Variants in PTCRA observed in about 807,000 individuals in gnomAD.
The protein encoded by PTCRA is pre T-cell antigen receptor alpha.
Under a neutral mutation model 13.4 loss-of-function variants are expected in PTCRA, and 9 were observed. The ratio of observed to expected loss-of-function variants is 0.67; its 90% CI spans 0.41 to 1.18. The LOEUF (loss-of-function observed/expected upper bound fraction) is 1.18, where lower values mean the gene tolerates loss of function less well. Ranked by LOEUF, PTCRA falls within the 50% of genes most tolerant of loss-of-function variation. The pLI is 0.01. For synonymous variants in PTCRA, 153 were observed against 161.9 expected, an observed-to-expected ratio of 0.94 and a Z score of 0.42; for missense variants, 353 against 359.8, an observed-to-expected ratio of 0.98 and a Z score of 0.15.
chr6:42,922,980 G>T, intron 1 of PTCRA, 47 bp from the exon 2 acceptor site: 2 of 1,566,036 alleles, frequency 1.3e-6, no homozygotes, highest in East Asian at 4.5e-5. Flanking sequence ...GCTGGCCTGG[G>T]AGGCCAAAAG....
At chr6:42,921,998 C>A (rs1296000292) in intron 1 of PTCRA, among the ~76,000 whole-genome samples, 1 of 152,066 alleles carries the variant, frequency 6.6e-6, no homozygotes, top group South Asian at 2.1e-4. Flanking sequence ...GCACTCCAGT[C>A]TGGGAGACGT....
rs1481375622 is a variant in PTCRA at position 42,925,343 on chromosome 6, C to T, written c.507C>T (p.Cys169=). The T allele has an allele frequency of 4.4e-6, 7 of 1,576,844 alleles. No homozygotes were observed. Among genetic ancestry groups the T allele is most frequent in the Non-Finnish European group, 6.0e-6 (7 of 1,164,552 alleles). ...KLLLFDLLLT[C]SCLCDPAGPL... ...TGCTGTTTGACCTGCTCCTGACCTG[C>T]AGCTGCCTGTGCGACCCCGCGGGCC... Residue 169 remains cysteine (C), a synonymous_variant, in exon 4 of 4, where the codon TGC becomes TGT. Transcript: ENST00000304672. This position sits in a 1 kb window ranked among gnomAD's most constrained non-coding sequence, Gnocchi z 4.4.
intron 1 of PTCRA, 151 bp downstream of exon 1, chr6:42,916,278 A>T: frequency 1.4e-6 from 1 of 721,114 alleles, no homozygotes; most frequent in Non-Finnish European, 2.3e-6. Context: ...TGGGGAGGGG[A>T]CCTCTGGGGA....
At chr6:42,916,292 G>T (rs1766875535) in intron 1 of PTCRA, among the ~76,000 whole-genome samples, 165 bp downstream of exon 1, 1 of 150,556 alleles carries the variant, frequency 6.6e-6, no homozygotes, top group South Asian at 2.1e-4. Flanking sequence ...CTGGGGAGGG[G>T]ACCCTATATA....
At chr6:42,917,190 A>ATATTAT (rs60630405) in intron 1 of PTCRA, among the ~76,000 whole-genome samples, 2,423 of 141,022 alleles carry the variant, frequency 0.017, 25 homozygotes, top group Admixed American at 0.027. Context: ...TAACAGCATT[A>ATATTAT]TATTATTATT....
Position 42,923,249 on chromosome 6 carries a change from T to C in PTCRA, c.281T>C (p.Leu94Pro). Residue 94 changes from leucine to proline, a missense_variant, in exon 2 of 4, where the codon CTG (leucine) becomes CCG (proline). By Grantham distance (98) the Leu-to-Pro change is moderately conservative (BLOSUM62 -3). Transcript: ENST00000304672. ...TGGACCAACTTGGCCCATCTCTCCC[T>C]GCCTTCTGAGGAGCTGGCATCCTGG... ...GTWTNLAHLS[L>P]PSEELASWEP... 2 of 1,614,218 alleles carry C rather than the reference T, an allele frequency of 1.2e-6. No individual in the cohort carries two copies. Among genetic ancestry groups the C allele is most frequent in the South Asian group, 2.2e-5 (2 of 91,084 alleles).
intron 1 of PTCRA, 30 bp from the exon 2 acceptor site, chr6:42,922,997 T>A (rs1158029637): frequency 3.1e-6 from 5 of 1,610,034 alleles, no homozygotes; most frequent in Non-Finnish European, 4.2e-6. Context: ...AAAGCTGGTC[T>A]AGCACCCACA....
chr6:42,916,639 C>A (rs1766888859), intron 1 of PTCRA, among the ~76,000 whole-genome samples: 1 of 152,104 alleles, frequency 6.6e-6, no homozygotes, highest in African/African-American at 2.4e-5. Flanking sequence ...AGGATAGGAC[C>A]CAAGGCCTCT....
chr6:42,922,322 G>A (rs1217009968), intron 1 of PTCRA: 1 of 695,132 alleles, frequency 1.4e-6, no homozygotes, highest in African/African-American at 1.8e-5. Context: ...TTCCTTGAGA[G>A]CAGGGACAAT....
Position 42,925,637 on chromosome 6 carries a change from T to C in PTCRA, c.801T>C (p.Phe267=). The C allele has an allele frequency of 6.4e-7, 1 of 1,557,070 alleles. No individual in the cohort carries two copies. The highest frequency in any genetic ancestry group is 8.7e-7 in the Non-Finnish European group (1 of 1,153,448). The change falls in exon 4 of 4, where the codon TTT becomes TTC. Residue 267 remains phenylalanine, a synonymous_variant. Transcript: ENST00000304672. The surrounding 1 kb of genome is among the most constrained non-coding windows in gnomAD (Gnocchi z 4.4). ...LRAPSSSLGA[F]FAGDLPPPLQ... ...CTCCTTCCTCCAGTCTTGGAGCATT[T>C]TTTGCAGGTGACCTGCCTCCTCCTC...
intron 1 of PTCRA, chr6:42,922,382 A>C (rs1000529191): frequency 1.6e-6 from 1 of 626,974 alleles, no homozygotes; most frequent in Non-Finnish European, 2.9e-6. Context: ...AGGGGCTCGG[A>C]TATCATAGAC....
chr6:42,924,439 C>T (rs1281550781), intron 3 of PTCRA, 166 bp downstream of exon 3: 6 of 676,762 alleles, frequency 8.9e-6, no homozygotes, highest in Non-Finnish European at 1.6e-5. Flanking sequence ...GCATGGGCCT[C>T]AGTCTACCTA....
rs146531157 is a variant in PTCRA at position 42,925,516 on chromosome 6, G to A, written c.680G>A (p.Arg227Gln). 3.5e-3 allele frequency: 5,581 copies of A among 1,576,268 alleles called. 19 individuals are homozygous for A. Among genetic ancestry groups the A allele is most frequent in the Middle Eastern group, 4.8e-3 (29 of 6,012 alleles). Residue 227 changes from arginine to glutamine, a missense_variant, in exon 4 of 4, where the codon CGG becomes CAG. Transcript: ENST00000304672. The surrounding 1 kb of genome is among the most constrained non-coding windows in gnomAD (Gnocchi z 4.4). ...CGCTGGGGTGACACCCCTCCGGGTC[G>A]GAAGCCCGGGAGCCCAGTATGGGGG... ...DRRWGDTPPG[R>Q]KPGSPVWGEG...
intron 1 of PTCRA, 24 bp downstream of exon 1, chr6:42,916,151 CTCTGTCCCTCCTCAG>C (rs1562524889): frequency 6.2e-7 from 1 of 1,611,182 alleles, no homozygotes; most frequent in Non-Finnish European, 8.5e-7. Context: ...TTGCCTTCCT[CTCTGTCCCTCCTCAG>C]TCTGCCGAAG....
intron 1 of PTCRA, among the ~76,000 whole-genome samples, chr6:42,918,121 G>A (rs1184384737): frequency 6.6e-6 from 1 of 151,634 alleles, no homozygotes; most frequent in Admixed American, 6.6e-5. Flanking sequence ...GCTGGACATG[G>A]TGGCAGGTGC....
chr6:42,922,545 G>A (rs763786789), intron 1 of PTCRA, among the ~76,000 whole-genome samples: 20 of 151,974 alleles, frequency 1.3e-4, no homozygotes, highest in Non-Finnish European at 2.6e-4. Flanking sequence ...TCAGGAGATC[G>A]AGACCATCCT....
intron 3 of PTCRA, among the ~76,000 whole-genome samples, chr6:42,924,628 A>G (rs543831752): frequency 6.6e-6 from 1 of 152,218 alleles, no homozygotes; most frequent in African/African-American, 2.4e-5. Context: ...AAGAGCCTGG[A>G]CGGACAGTCA....
rs1193872730 is a variant in PTCRA, at chr6:42,925,442, T to C, written c.606T>C (p.Thr202=). 5 of 1,555,386 alleles carry C rather than the reference T, an allele frequency of 3.2e-6. No homozygotes were observed. In the South Asian group the frequency reaches 3.5e-5, roughly 11 times the overall value. Residue 202 remains threonine, a synonymous_variant, in exon 4 of 4, where the codon ACT becomes ACC. Coordinates refer to ENST00000304672, the MANE Select transcript of PTCRA (RefSeq NM_138296.3). The surrounding 1 kb of genome is among the most constrained non-coding windows in gnomAD (Gnocchi z 4.4). ...GSHRLHPATE[T]GGREATSSPR... ...ATCGACTGCACCCGGCCACGGAGAC[T>C]GGGGGACGAGAGGCCACCAGCTCAC...
chr6:42,920,948 C>T (rs1354226053), intron 1 of PTCRA, among the ~76,000 whole-genome samples: 1 of 151,914 alleles, frequency 6.6e-6, no homozygotes, highest in Admixed American at 6.6e-5. Context: ...GCACGTGCCA[C>T]CACACGCAGC....
Sources: gnomAD v4.1 joint callset for allele counts (sites outside exome capture counted in the v4.1 genomes callset) on GRCh38, gnomAD v4.1.1 for gene constraint, Gnocchi (gnomAD v3.1) non-coding constraint, MANE v1.5 for transcripts, NCBI Gene and HGNC (gene_info 2026-07-23, HGNC 2026-07-21) for gene names.